Variants in ZNF276 observed in about 807,000 individuals in gnomAD.
ZNF276 encodes zinc finger protein 276.
Under a neutral mutation model 63.9 loss-of-function variants are expected in ZNF276, and 59 were observed. The observed-to-expected ratio is 0.92, with a 90% CI of 0.75 to 1.15. The LOEUF (loss-of-function observed/expected upper bound fraction) is 1.15. Ranked by LOEUF, ZNF276 falls within the 50% of genes most tolerant of loss-of-function variation. The pLI, the probability that ZNF276 is intolerant of heterozygous loss-of-function variation, is 0.00. For synonymous variants in ZNF276, 496 were observed against 348.4 expected (o/e 1.42, Z -4.72); for missense variants, 1,084 against 843.8 (o/e 1.28, Z -3.53).
chr16:89,720,838 G>GC (rs1415020553), upstream of ZNF276: 1 of 1,426,818 alleles, frequency 7.0e-7, no homozygotes, highest in Non-Finnish European at 9.2e-7. Context: ...GCTTCACCGT[G>GC]CCGTCCCCGG....
intron 6 of ZNF276, among the ~76,000 whole-genome samples, chr16:89,730,338 CG>C (rs2061605660): frequency 1.3e-5 from 2 of 152,146 alleles, no homozygotes; most frequent in South Asian, 4.1e-4. Context: ...GCCCCCACTC[CG>C]TGACCCTCCG....
Position 89,723,645 on chromosome 16 carries a change from C to T in ZNF276, c.942C>T (p.Ser314=), listed in dbSNP as rs555344793. Residue 314 remains serine (S), a synonymous_variant, in exon 4 of 11, where the codon AGC becomes AGT. Transcript: ENST00000443381. ...STDVAQPPSD[S]DAVGPRSGFP... ...ATGTGGCCCAGCCTCCTTCGGACAG[C>T]GACGCGGTGGGGCCCAGGTCGGGCT... 5.0e-6 allele frequency: 8 copies of T among 1,612,590 alleles called. No individual in the cohort carries two copies. Among genetic ancestry groups the T allele is most frequent in the South Asian group, 1.1e-5 (1 of 91,076 alleles).
At chr16:89,726,742 T>C (rs1391317762) in intron 4 of ZNF276, among the ~76,000 whole-genome samples, 1 of 151,818 alleles carries the variant, frequency 6.6e-6, no homozygotes, top group African/African-American at 2.4e-5. Flanking sequence ...GCCTCCCGGG[T>C]TCAAGCGATT....
Position 89,737,919 on chromosome 16 carries a change from A to G in ZNF276, c.1574+14A>G. On this transcript the variant is annotated intron_variant, in intron 10 of 10. Transcript: ENST00000443381. Reference sequence around the variant, plus strand: ...CAAGCCTTTGCAGTAAGTGTGAGTCAGGACCCCCTCCCAGGGCTGTGGCCC... The same window carrying G: ...CAAGCCTTTGCAGTAAGTGTGAGTCGGGACCCCCTCCCAGGGCTGTGGCCC... 2.6e-6 allele frequency: 4 copies of G among 1,565,002 alleles called. No individual in the cohort carries two copies. The highest frequency in any genetic ancestry group is 3.4e-6 in the Non-Finnish European group (4 of 1,169,118).
chr16:89,730,759 A>AC (rs551328233), intron 6 of ZNF276, among the ~76,000 whole-genome samples: 8 of 151,428 alleles, frequency 5.3e-5, no homozygotes, highest in South Asian at 2.1e-4. Context: ...CCACCGTGAG[A>AC]CCCCCCTGGG....
At chr16:89,720,966 C>A, upstream of ZNF276, 1 of 1,108,246 alleles carries the variant, frequency 9.0e-7, no homozygotes, top group Non-Finnish European at 1.1e-6. Context: ...AGCAGCGGAC[C>A]GCAGGAAGGG....
At chr16:89,733,219 A>AC (rs36102341) in intron 6 of ZNF276, 83 bp from the exon 7 acceptor site, 16,845 of 1,285,992 alleles carry the variant, frequency 0.013, 414 homozygotes, top group South Asian at 0.083. Context: ...TTCAGAAAAG[A>AC]CCATTTCTCA....
chr16:89,735,695 G>A (rs1045513096), intron 9 of ZNF276, among the ~76,000 whole-genome samples: 2 of 152,066 alleles, frequency 1.3e-5, no homozygotes, highest in African/African-American at 4.8e-5. Flanking sequence ...ACATAGTGAG[G>A]CCGTCTTTAC....
chr16:89,732,108 G>C (rs4785594), intron 6 of ZNF276: 117,723 of 152,156 alleles, frequency 0.77, 45,786 homozygotes, highest in African/African-American at 0.83. Flanking sequence ...TTCTGTTCTT[G>C]AGATATTTCC....
In ZNF276 at chr16:89,738,813, G is replaced by A; in HGVS notation, c.*567G>A. 4 of 1,613,906 alleles carry A rather than the reference G, an allele frequency of 2.5e-6. No homozygotes were observed. The highest frequency in any genetic ancestry group is 2.5e-6 in the Non-Finnish European group (3 of 1,179,940). On this transcript the variant is annotated 3_prime_UTR_variant, in exon 11 of 11. Coordinates refer to ENST00000443381, the MANE Select transcript of ZNF276 (RefSeq NM_001113525.2). Reference sequence around the variant, plus strand: ...TCGAGTTGTATTGCCAGCCAGGCAGGCACATGGCCCAGGCAGCTGTCAATT... The same window carrying A: ...TCGAGTTGTATTGCCAGCCAGGCAGACACATGGCCCAGGCAGCTGTCAATT...
intron 6 of ZNF276, among the ~76,000 whole-genome samples, chr16:89,729,950 C>G (rs2061591980): frequency 6.6e-6 from 1 of 152,172 alleles, no homozygotes; most frequent in Non-Finnish European, 1.5e-5. Context: ...CAGCAGTACC[C>G]AGAACACTCC....
intron 5 of ZNF276, 94 bp from the exon 6 acceptor site, chr16:89,729,141 G>T: frequency 3.1e-6 from 3 of 971,934 alleles, no homozygotes; most frequent in South Asian, 1.4e-5. Context: ...TGTGGGACAT[G>T]GGGGTCCATT....
rs753103430 is a variant in ZNF276, at chr16:89,738,839, C to T, written c.*593C>T. 1 of 1,614,180 alleles carries T rather than the reference C, an allele frequency of 6.2e-7. No homozygotes were observed. The highest frequency in any genetic ancestry group is 8.5e-7 in the Non-Finnish European group (1 of 1,180,034). On this transcript the variant is annotated 3_prime_UTR_variant, in exon 11 of 11. Coordinates refer to ENST00000443381, the MANE Select transcript of ZNF276 (RefSeq NM_001113525.2). ...CACATGGCCCAGGCAGCTGTCAATT[C>T]TCATGTCCCCCACATGGCCCAAGGT...
intron 4 of ZNF276, 134 bp downstream of exon 4, chr16:89,723,843 G>A (rs2061385283): frequency 9.9e-7 from 1 of 1,010,112 alleles, no homozygotes; most frequent in Admixed American, 2.9e-5. Context: ...CAGAGCTTGG[G>A]GCTTCTGCCT....
At chr16:89,722,980 C>A (rs753812394) in intron 2 of ZNF276, 146 bp downstream of exon 2, 1 of 1,569,032 alleles carries the variant, frequency 6.4e-7, no homozygotes, top group Non-Finnish European at 8.6e-7. Context: ...AGCCCTGGGA[C>A]TGTTGTGGAG....
rs200757877 is a variant in ZNF276, at chr16:89,738,287, C to T, written c.*41C>T. ...TGAGCACCTCTAGCAGCCTGGACTC[C>T]GCAGTGGCTGTGTCAGCCTCACCCT... On this transcript the variant is annotated 3_prime_UTR_variant, in exon 11 of 11. Transcript: ENST00000443381. 5.0e-5 allele frequency: 77 copies of T among 1,549,930 alleles called. No homozygotes were observed. Among genetic ancestry groups the T allele is most frequent in the East Asian group, 9.7e-5 (4 of 41,210 alleles).
chr16:89,734,129 G>C, intron 9 of ZNF276, 91 bp downstream of exon 9: 1 of 1,250,720 alleles, frequency 8.0e-7, no homozygotes, highest in Non-Finnish European at 1.1e-6. Flanking sequence ...CCCGCCCCAA[G>C]AGTTGGGGGT....
chr16:89,735,848 G>A (rs2061848236), intron 9 of ZNF276, among the ~76,000 whole-genome samples: 1 of 151,842 alleles, frequency 6.6e-6, no homozygotes, highest in Non-Finnish European at 1.5e-5. Flanking sequence ...CTGAGTAGCT[G>A]GGATTACAGG....
intron 7 of ZNF276, 35 bp downstream of exon 7, chr16:89,733,447 C>G (rs202182204): frequency 1.9e-6 from 3 of 1,614,092 alleles, no homozygotes; most frequent in Non-Finnish European, 1.7e-6. Flanking sequence ...CCCTGCCTGT[C>G]GGGGCCGGGG....
Sources: allele counts gnomAD v4.1 joint callset (sites outside exome capture counted in the v4.1 genomes callset), GRCh38; gene constraint gnomAD v4.1.1; transcripts MANE v1.5; gene names NCBI Gene and HGNC (gene_info 2026-07-23, HGNC 2026-07-21).